CNTN4: variants seen among roughly 807,000 people sequenced by gnomAD.
CNTN4 encodes the protein contactin 4.
A neutral mutation model predicts 122.5 loss-of-function variants in CNTN4; 77 were observed. That is an observed-to-expected ratio of 0.63 (90% CI 0.52 to 0.76). The LOEUF (loss-of-function observed/expected upper bound fraction) is 0.76, where lower values mean the gene tolerates loss of function less well. Among genes scored for constraint, CNTN4 ranks in the 30% least tolerant of loss-of-function variants. CNTN4 has a pLI of 0.00. For synonymous variants in CNTN4, 512 were observed against 447.0 expected, an observed-to-expected ratio of 1.15 and a Z score of -1.83; for missense variants, 1,256 against 1,259.1, an observed-to-expected ratio of 1.00 and a Z score of 0.04.
At chr3:2,955,419 A>G (rs2094789421) in intron 13 of CNTN4, among the ~76,000 whole-genome samples, 2 of 152,150 alleles carry the variant, frequency 1.3e-5, no homozygotes, top group South Asian at 2.1e-4. Flanking sequence ...TCTATCCACC[A>G]TGTTGACTCT....
At chr3:2,585,177 A>C (rs2080130329) in intron 4 of CNTN4, among the ~76,000 whole-genome samples, 1 of 152,200 alleles carries the variant, frequency 6.6e-6, no homozygotes, top group Non-Finnish European at 1.5e-5. Context: ...ATGATTAAAA[A>C]GTCAGGAAAC....
chr3:2,613,909 A>G (rs1390084575), intron 4 of CNTN4, among the ~76,000 whole-genome samples: 1 of 151,866 alleles, frequency 6.6e-6, no homozygotes, highest in Non-Finnish European at 1.5e-5. Flanking sequence ...CTACATTCAG[A>G]TACTCAGTCC....
rs112550392 is a variant in CNTN4, at chr3:2,590,718, G to A, written c.55+19160G>A. ...CCTAACTCAGGGCCTTCATACCTGC[G>A]ATTTACTTTCTCTTTTGAATGGTCT... is the stretch of plus-strand genomic sequence containing the variant. On this transcript the variant is annotated intron_variant, in intron 4 of 24. Transcript: ENST00000418658. Among the ~76,000 whole-genome samples, 64 of 151,770 alleles carry A rather than the reference G, an allele frequency of 4.2e-4. 2 individuals are homozygous for A. The highest frequency in any genetic ancestry group is 3.4e-3 in the Middle Eastern group (1 of 292).
At chr3:2,868,247 T>C (rs2093746133) in intron 8 of CNTN4, among the ~76,000 whole-genome samples, 2 of 152,190 alleles carry the variant, frequency 1.3e-5, no homozygotes, top group South Asian at 2.1e-4. Flanking sequence ...ATGATAAACA[T>C]TTTCTTTTGC....
intron 13 of CNTN4, among the ~76,000 whole-genome samples, chr3:2,955,704 G>A (rs554992962): frequency 1.2e-4 from 19 of 152,288 alleles, no homozygotes; most frequent in South Asian, 1.0e-3. Context: ...AATATCTCAT[G>A]GCAGAGGCTG....
chr3:2,335,827 C>G (rs1034906907), intron 2 of CNTN4, among the ~76,000 whole-genome samples: 1 of 152,232 alleles, frequency 6.6e-6, no homozygotes, highest in Middle Eastern at 3.4e-3. Flanking sequence ...CTTTTAAGAT[C>G]AGTTATGAAA....
chr3:2,629,195 A>T (rs115154325), intron 4 of CNTN4, among the ~76,000 whole-genome samples: 7,117 of 152,184 alleles, frequency 0.047, 229 homozygotes, highest in Admixed American at 0.11. Context: ...AACATCAGGG[A>T]GACATACACA....
In CNTN4 at chr3:2,856,650, C is replaced by G. The variant is rs150649830; in HGVS notation, c.455-10102C>G. ...CCACTGTGTCTTCTCTTTGCAGCTA[C>G]AAGCGACCCCTGCAGGAATACTATG... On this transcript the variant is annotated intron_variant, in intron 7 of 24. Transcript: ENST00000418658. 1.7e-3 allele frequency among the ~76,000 whole-genome samples: 263 copies of G among 152,350 alleles called. 1 individual carries two copies. The highest frequency in any genetic ancestry group is 2.7e-3 in the South Asian group (13 of 4,828).
intron 5 of CNTN4, among the ~76,000 whole-genome samples, chr3:2,739,952 A>C (rs1368022046): frequency 1.3e-5 from 2 of 152,342 alleles, no homozygotes; most frequent in East Asian, 3.9e-4. Flanking sequence ...CATCTTTGGC[A>C]TGGGGATTTT....
chr3:2,784,928 T>G (rs1390847609), intron 6 of CNTN4, among the ~76,000 whole-genome samples: 1 of 152,076 alleles, frequency 6.6e-6, no homozygotes, highest in Non-Finnish European at 1.5e-5. Flanking sequence ...AACTAATGAG[T>G]TCTTTCTTTT....
chr3:2,922,065 G>C (rs1204232964), intron 12 of CNTN4, among the ~76,000 whole-genome samples: 1 of 152,142 alleles, frequency 6.6e-6, no homozygotes, highest in African/African-American at 2.4e-5. Context: ...CTCTAGCAGT[G>C]CATGTGAGAA....
At chr3:2,839,483 T>C (rs1043468352) in intron 7 of CNTN4, among the ~76,000 whole-genome samples, 3 of 152,144 alleles carry the variant, frequency 2.0e-5, no homozygotes, top group Non-Finnish European at 4.4e-5. Context: ...TTTGTACCTC[T>C]GAAGCTTCTA....
chr3:2,362,182 G>A (rs2045177943), intron 3 of CNTN4: 1 of 165,620 alleles, frequency 6.0e-6, no homozygotes, highest in Non-Finnish European at 1.3e-5. Context: ...TCTATCAGGG[G>A]TCCCTATATT....
Position 2,990,217 on chromosome 3 carries a change from T to C in CNTN4, c.1486+1745T>C, listed in dbSNP as rs115946918. On this transcript the variant is annotated intron_variant, in intron 14 of 24. Coordinates refer to ENST00000418658, the MANE Select transcript of CNTN4 (RefSeq NM_175607.3). ...TTGTTCTGATGACTGTGGTAATCCA[T>C]GCTAAGCGATTAACAGGGTGTCTGG... Among the ~76,000 whole-genome samples, 285 of 152,332 alleles carry C rather than the reference T, an allele frequency of 1.9e-3. 1 individual carries two copies. The highest frequency in any genetic ancestry group is 6.7e-3 in the African/African-American group (278 of 41,584).
intron 3 of CNTN4, among the ~76,000 whole-genome samples, chr3:2,341,893 A>G (rs1470854846): frequency 6.6e-6 from 1 of 152,210 alleles, no homozygotes; most frequent in Non-Finnish European, 1.5e-5. Context: ...GCTGAACAAT[A>G]GCAGCCTTCC....
intron 2 of CNTN4, among the ~76,000 whole-genome samples, chr3:2,138,089 C>T (rs567245687): frequency 8.3e-5 from 12 of 145,210 alleles, no homozygotes; most frequent in Non-Finnish European, 1.2e-4. Context: ...TTTTTCGAGA[C>T]GGAGTCTCGC....
intron 13 of CNTN4, among the ~76,000 whole-genome samples, chr3:2,945,349 T>C (rs1240571972): frequency 1.3e-5 from 2 of 152,208 alleles, no homozygotes; most frequent in Non-Finnish European, 2.9e-5. Context: ...TGATTCTTTC[T>C]TGGCAAGGGA....
intron 4 of CNTN4, among the ~76,000 whole-genome samples, chr3:2,706,034 A>G (rs1204745873): frequency 2.1e-5 from 3 of 144,316 alleles, no homozygotes; most frequent in Non-Finnish European, 4.5e-5. Flanking sequence ...ATATTTATAT[A>G]GATAGACACA....
At chr3:2,575,404 G>C (rs1028452771) in intron 4 of CNTN4, among the ~76,000 whole-genome samples, 2 of 151,934 alleles carry the variant, frequency 1.3e-5, no homozygotes, top group African/African-American at 2.4e-5. Flanking sequence ...TCAGCTGCTC[G>C]GGAGGCTGAG....
Sources: gnomAD v4.1 joint callset for allele counts (sites outside exome capture counted in the v4.1 genomes callset) on GRCh38, gnomAD v4.1.1 for gene constraint, MANE v1.5 for transcripts, NCBI Gene and HGNC (gene_info 2026-07-23, HGNC 2026-07-21) for gene names.